The following MEGF11 variants were observed in gnomAD, a reference collection of about 807,000 sequenced individuals.
MEGF11 encodes the protein multiple EGF like domains 11.
Under a neutral mutation model 146.6 loss-of-function variants are expected in MEGF11, and 126 were observed. That is an observed-to-expected ratio of 0.86 (90% CI 0.74 to 1.00). The LOEUF is 1.00. Among genes scored for constraint, MEGF11 ranks in the 50% least tolerant of loss-of-function variants. MEGF11 has a pLI of 0.00. For missense variants in MEGF11, 1,509 were observed against 1,521.2 expected, an observed-to-expected ratio of 0.99 and a Z score of 0.13; for synonymous variants, 532 against 583.4, an observed-to-expected ratio of 0.91 and a Z score of 1.27.
intron 3 of MEGF11, among the ~76,000 whole-genome samples, chr15:66,122,560 A>G (rs1174874165): frequency 6.6e-6 from 1 of 152,202 alleles, no homozygotes; most frequent in Non-Finnish European, 1.5e-5. Flanking sequence ...GATATTCAGC[A>G]ACTAGGAAAA....
intron 5 of MEGF11, among the ~76,000 whole-genome samples, chr15:66,039,799 CGGTGGGGTG>C (rs1278533357): frequency 2.5e-5 from 3 of 120,840 alleles, no homozygotes; most frequent in Admixed American, 8.5e-5. Context: ...GGTCAGGCGG[CGGTGGGGTG>C]ACGGTCCTGA....
At chr15:65,916,581 G>A (rs2079005155) in intron 17 of MEGF11, 2 of 720,330 alleles carry the variant, frequency 2.8e-6, no homozygotes, top group Non-Finnish European at 4.7e-6. Flanking sequence ...GTCTGGTCTT[G>A]GTGATTGCTG....
chr15:65,896,788 C>T lies in MEGF11; in HGVS notation c.*1146G>A, dbSNP rs1019121066. The T allele has an allele frequency of 1.3e-5, 2 of 152,222 alleles. No individual in the cohort carries two copies. The highest frequency in any genetic ancestry group is 1.3e-4 in the Admixed American group (2 of 15,284). The allele number at this position is 152,222 out of a possible 1,614,324, so 9.4% of individuals were successfully genotyped here. Reference sequence around the variant, plus strand: ...TTTAAGATAGAAGGTGGAAGGACTTCATATCCTCATGCTGTTTACAGTAAC... The same window carrying T: ...TTTAAGATAGAAGGTGGAAGGACTTTATATCCTCATGCTGTTTACAGTAAC... On this transcript the variant is annotated 3_prime_UTR_variant, in exon 26 of 26. Coordinates refer to ENST00000395614, the MANE Select transcript of MEGF11 (RefSeq NM_001385028.1).
chr15:66,108,606 A>C (rs970605556), intron 4 of MEGF11, among the ~76,000 whole-genome samples: 3 of 152,166 alleles, frequency 2.0e-5, no homozygotes, highest in Non-Finnish European at 4.4e-5. Flanking sequence ...GGGACGGGCC[A>C]TCTGGTGCCG....
intron 1 of MEGF11, among the ~76,000 whole-genome samples, chr15:66,237,583 T>C (rs1434856710): frequency 6.6e-6 from 1 of 152,244 alleles, no homozygotes; most frequent in African/African-American, 2.4e-5. Context: ...GGGCTGCCTC[T>C]CTGGCCTCTG....
At chr15:66,212,843 CT>C (rs2091497384) in intron 1 of MEGF11, among the ~76,000 whole-genome samples, 1 of 152,248 alleles carries the variant, frequency 6.6e-6, no homozygotes, top group African/African-American at 2.4e-5. Flanking sequence ...AAGTTGAAGG[CT>C]CCAGCAGTTT....
At chr15:65,900,287 T>C (rs2078463285) in intron 24 of MEGF11, among the ~76,000 whole-genome samples, 1 of 152,234 alleles carries the variant, frequency 6.6e-6, no homozygotes, top group South Asian at 2.1e-4. Flanking sequence ...CTATTTATGC[T>C]GTCTCCAATT....
intron 1 of MEGF11, among the ~76,000 whole-genome samples, chr15:66,211,198 C>G (rs2091435693): frequency 6.6e-6 from 1 of 152,154 alleles, no homozygotes; most frequent in Non-Finnish European, 1.5e-5. Flanking sequence ...TTTTTTCCCT[C>G]TAAGACAAGC....
intron 5 of MEGF11, among the ~76,000 whole-genome samples, chr15:65,992,417 A>G (rs2082071471): frequency 7.5e-6 from 1 of 132,908 alleles, no homozygotes; most frequent in Admixed American, 7.9e-5. Flanking sequence ...ATTAAAATGC[A>G]AACAACCCCG....
intron 8 of MEGF11, among the ~76,000 whole-genome samples, chr15:65,965,620 T>TCTTTC (rs2081061920): frequency 2.6e-4 from 29 of 110,232 alleles, no homozygotes; most frequent in Non-Finnish European, 4.3e-4. Flanking sequence ...TTTCTTTTTT[T>TCTTTC]TTTTTTTGGC....
intron 5 of MEGF11, among the ~76,000 whole-genome samples, chr15:65,986,688 C>A (rs542538386): frequency 7.6e-4 from 116 of 152,168 alleles, no homozygotes; most frequent in African/African-American, 2.7e-3. Flanking sequence ...CACAGAGAAT[C>A]GCAAACTCTT....
intron 1 of MEGF11, among the ~76,000 whole-genome samples, chr15:66,150,645 GAAGA>G (rs939086626): frequency 2.0e-5 from 3 of 150,742 alleles, no homozygotes; most frequent in South Asian, 2.1e-4. Context: ...AGGAAGGAAG[GAAGA>G]AAGGAAGGGG....
intron 5 of MEGF11, among the ~76,000 whole-genome samples, chr15:66,079,378 C>G (rs1316958489): frequency 3.3e-5 from 5 of 152,140 alleles, no homozygotes; most frequent in Non-Finnish European, 7.3e-5. Flanking sequence ...CCAGAAACAG[C>G]AAAAGAGACA....
intron 1 of MEGF11, among the ~76,000 whole-genome samples, chr15:66,199,725 G>T (rs4776762): frequency 0.4 from 60,288 of 151,966 alleles, 12,400 homozygotes; most frequent in East Asian, 0.59. Context: ...GGAGATGGAG[G>T]CTGCAGTGAG....
intron 1 of MEGF11, among the ~76,000 whole-genome samples, chr15:66,154,354 C>A (rs1186988990): frequency 6.6e-6 from 1 of 152,228 alleles, no homozygotes; most frequent in Non-Finnish European, 1.5e-5. Context: ...TCAGCCATCT[C>A]TTCTGGGATC....
chr15:66,224,561 G>A (rs1020668626), intron 1 of MEGF11, among the ~76,000 whole-genome samples: 3 of 149,954 alleles, frequency 2.0e-5, no homozygotes, highest in Non-Finnish European at 4.4e-5. Flanking sequence ...TCCAGCCTGA[G>A]CAACAGAGTG....
intron 1 of MEGF11, among the ~76,000 whole-genome samples, chr15:66,133,244 G>A (rs144836766): frequency 6.1e-4 from 93 of 152,300 alleles, no homozygotes; most frequent in African/African-American, 2.1e-3. Flanking sequence ...CAGCACCAGC[G>A]CATGTCTGCT....
chr15:66,099,197 C>A (rs2086676606), intron 4 of MEGF11, among the ~76,000 whole-genome samples: 1 of 113,186 alleles, frequency 8.8e-6, no homozygotes, highest in African/African-American at 3.6e-5. Context: ...TCCCACCCCT[C>A]CTTTTTCTTT....
intron 4 of MEGF11, among the ~76,000 whole-genome samples, chr15:66,104,893 T>C (rs965576288): frequency 2.0e-5 from 3 of 152,072 alleles, no homozygotes; most frequent in South Asian, 4.2e-4. Context: ...GGCCTCCTCC[T>C]CCTCCTCTTC....
Sources: allele counts gnomAD v4.1 joint callset (sites outside exome capture counted in the v4.1 genomes callset), GRCh38; gene constraint gnomAD v4.1.1; transcripts MANE v1.5; gene names NCBI Gene and HGNC (gene_info 2026-07-23, HGNC 2026-07-21).